The following POLR2G variants were observed in gnomAD, a reference collection of about 807,000 sequenced individuals.
POLR2G encodes RNA polymerase II subunit G.
In POLR2G, 19 loss-of-function variants were observed where a neutral mutation model predicts 25.7. The ratio of observed to expected loss-of-function variants is 0.74; its 90% CI spans 0.52 to 1.08. The LOEUF is 1.08. Among genes scored for constraint, POLR2G ranks in the 50% least tolerant of loss-of-function variants. The probability of loss-of-function intolerance (pLI) is 0.00; values close to 1 mark genes in which losing one functional copy is unlikely to be tolerated. For missense variants in POLR2G, 123 were observed against 218.5 expected (o/e 0.56, Z 2.76); for synonymous variants, 79 against 76.0 (o/e 1.04, Z -0.21).
intron 3 of POLR2G, among the ~76,000 whole-genome samples, chr11:62,763,728 A>G (rs2084100756): frequency 6.6e-6 from 1 of 151,222 alleles, no homozygotes; most frequent in African/African-American, 2.4e-5. Flanking sequence ...AGAGACTCAC[A>G]ATGACTCTAA....
chr11:62,762,319 G>T, intron 2 of POLR2G: 1 of 270,872 alleles, frequency 3.7e-6, no homozygotes. Flanking sequence ...ACACACCATG[G>T]GCCTCTATAT....
intron 2 of POLR2G, chr11:62,762,212 A>G: frequency 2.6e-6 from 1 of 381,732 alleles, no homozygotes; most frequent in Non-Finnish European, 4.9e-6. Context: ...TAGAATGAGG[A>G]CAGCCCCTGT....
chr11:62,766,200 T>C, intron 6 of POLR2G, 43 bp from the exon 7 acceptor site: 1 of 1,591,448 alleles, frequency 6.3e-7, no homozygotes, highest in Non-Finnish European at 8.6e-7. Context: ...GTTGGTTCTG[T>C]GCTCATCTTG....
chr11:62,765,575 G>T, intron 5 of POLR2G, 78 bp from the exon 6 acceptor site: 1 of 1,148,956 alleles, frequency 8.7e-7, no homozygotes, highest in South Asian at 1.2e-5. Flanking sequence ...ATATGCCCCC[G>T]GGCTTACAGT....
rs1222657374 is a variant in POLR2G at position 62,766,257 on chromosome 11, C to T, written c.486C>T (p.Ser162=). 1.2e-6 allele frequency: 2 copies of T among 1,613,736 alleles called. No individual in the cohort carries two copies. The highest frequency in any genetic ancestry group is 1.3e-5 in the African/African-American group (1 of 74,840). ...VDKNDIFAIG[S]LMDDYLGLVS ...CTTTCTTGCAGTTTGCTATTGGCTCCCTGATGGACGATTACTTGGGTGAGT... is the reference window on the plus strand; with the variant it reads ...CTTTCTTGCAGTTTGCTATTGGCTCTCTGATGGACGATTACTTGGGTGAGT... The change falls in exon 7 of 8, where the codon TCC becomes TCT. Residue 162 remains serine, a synonymous_variant. Transcript: ENST00000301788.
chr11:62,765,621 A>G, intron 5 of POLR2G, 32 bp from the exon 6 acceptor site: 1 of 1,474,186 alleles, frequency 6.8e-7, no homozygotes, highest in Non-Finnish European at 9.5e-7. Flanking sequence ...TAAACTGAGG[A>G]GCATCTGTAC....
At chr11:62,765,087 G>A in intron 3 of POLR2G, 95 bp from the exon 4 acceptor site, 3 of 1,018,838 alleles carry the variant, frequency 2.9e-6, no homozygotes, top group Non-Finnish European at 4.6e-6. Context: ...TGAAACTCCT[G>A]ACCTCGTGAT....
chr11:62,762,108 A>T, intron 2 of POLR2G: 1 of 585,534 alleles, frequency 1.7e-6, no homozygotes, highest in South Asian at 2.0e-5. Flanking sequence ...CTCAGCTGAG[A>T]TGGGTCATTC....
Position 62,766,293 on chromosome 11 carries a change from A to G in POLR2G, c.505+17A>G, listed in dbSNP as rs1481002494. ...ATTACTTGGGTGAGTGCCTGATCAT[A>G]GGTGCTGGGGTTATTGCCTGGAGAA... On this transcript the variant is annotated intron_variant, in intron 7 of 7. Transcript: ENST00000301788. The G allele has an allele frequency of 1.1e-5, 17 of 1,611,328 alleles. No individual in the cohort carries two copies. Among genetic ancestry groups the G allele is most frequent in the Admixed American group, 1.7e-5 (1 of 59,964 alleles).
At position 62,763,539 on chromosome 11, in the gene POLR2G, C is replaced by T. The variant is rs528475323; in HGVS notation, c.282+513C>T. On this transcript the variant is annotated intron_variant, in intron 3 of 7. Transcript: ENST00000301788. ...TCGATCTCCTGACCTCGTGATCCAC[C>T]CGCCTCGGCCTCCCAAAGTGCTGGG... Among the ~76,000 whole-genome samples the T allele has an allele frequency of 3.3e-5, 5 of 152,232 alleles. No homozygotes were observed. The South Asian group carries it at 1.0e-3, about 32-fold the overall frequency.
chr11:62,762,328 ATATCT>A, intron 2 of POLR2G: 1 of 273,268 alleles, frequency 3.7e-6, no homozygotes, highest in Non-Finnish European at 7.6e-6. Flanking sequence ...GGGCCTCTAT[ATATCT>A]TCTGAATGAA....
chr11:62,765,157 G>A (rs199882111), intron 3 of POLR2G, 25 bp from the exon 4 acceptor site: 51 of 1,610,606 alleles, frequency 3.2e-5, no homozygotes, highest in East Asian at 4.5e-5. Context: ...GTGCACGGCC[G>A]TAAGATCACT....
chr11:62,761,586 T>C lies in POLR2G; in HGVS notation c.-63T>C, dbSNP rs2084088672. The C allele has an allele frequency of 6.5e-7, 1 of 1,531,512 alleles. No individual in the cohort carries two copies. Among genetic ancestry groups the C allele is most frequent in the Non-Finnish European group, 8.8e-7 (1 of 1,134,608 alleles). 94.9% of individuals were successfully genotyped at this position (1,531,512 alleles called of 1,614,324 possible). A position where few individuals can be genotyped will look rare whatever the true frequency, so the allele number is the denominator to read the frequency against. The stretch of plus-strand genomic sequence containing the variant: ...AACTGGGGTTGCGGCGTCTAAGTGT[T>C]TCCGGTGGATTCCCAGGGACTGTCG... On this transcript the variant is annotated 5_prime_UTR_variant, in exon 1 of 8. Transcript: ENST00000301788.
At chr11:62,764,037 C>G (rs1056984776) in intron 3 of POLR2G, among the ~76,000 whole-genome samples, 4 of 151,986 alleles carry the variant, frequency 2.6e-5, no homozygotes, top group African/African-American at 9.7e-5. Flanking sequence ...CCACCGTGCC[C>G]GGCCAGTGGG....
chr11:62,763,570 A>C (rs1370779472), intron 3 of POLR2G, among the ~76,000 whole-genome samples: 1 of 152,130 alleles, frequency 6.6e-6, no homozygotes, highest in African/African-American at 2.4e-5. Flanking sequence ...CTGGGATTGC[A>C]GGCTTGAGCC....
At chr11:62,763,549 C>T (rs1035588135) in intron 3 of POLR2G, among the ~76,000 whole-genome samples, 6 of 152,132 alleles carry the variant, frequency 3.9e-5, no homozygotes, top group Non-Finnish European at 7.3e-5. Context: ...CCGCCTCGGC[C>T]TCCCAAAGTG....
At chr11:62,763,052 TGGGGTA>T in intron 3 of POLR2G, 26 bp downstream of exon 3, 1 of 1,520,584 alleles carries the variant, frequency 6.6e-7, no homozygotes, top group South Asian at 1.2e-5. Flanking sequence ...GGGGAGGCAG[TGGGGTA>T]GTCTCTCGGA....
At position 62,766,283 on chromosome 11, in the gene POLR2G, G is replaced by A. The variant is rs754555840; in HGVS notation, c.505+7G>A. 7.4e-6 allele frequency: 12 copies of A among 1,612,842 alleles called. No individual in the cohort carries two copies. In the African/African-American group the frequency reaches 1.5e-4, roughly 20 times the overall value. Reference sequence around the variant, plus strand: ...CTGATGGACGATTACTTGGGTGAGTGCCTGATCATAGGTGCTGGGGTTATT... The same window carrying A: ...CTGATGGACGATTACTTGGGTGAGTACCTGATCATAGGTGCTGGGGTTATT... On this transcript the variant is annotated splice_region_variant and intron_variant, in intron 7 of 7. Transcript: ENST00000301788.
At chr11:62,764,538 T>C (rs2084105184) in intron 3 of POLR2G, among the ~76,000 whole-genome samples, 1 of 152,054 alleles carries the variant, frequency 6.6e-6, no homozygotes, top group African/African-American at 2.4e-5. Context: ...CTCACACCTA[T>C]AATCCCAGTG....
Sources: allele counts gnomAD v4.1 joint callset (sites outside exome capture counted in the v4.1 genomes callset), GRCh38; gene constraint gnomAD v4.1.1; transcripts MANE v1.5; gene names NCBI Gene and HGNC (gene_info 2026-07-23, HGNC 2026-07-21).